Variants in MYH11 observed in about 807,000 individuals in gnomAD.
The protein encoded by MYH11 is myosin-11.
In MYH11, 80 loss-of-function variants were observed where a neutral mutation model predicts 246.6. The ratio of observed to expected loss-of-function variants is 0.32; its 90% confidence interval spans 0.27 to 0.39. MYH11 has a LOEUF of 0.39. Ranked by LOEUF, MYH11 falls within the 10% of genes least tolerant of loss-of-function variation. MYH11 has a pLI of 1.00. For missense variants in MYH11, 2,158 were observed against 2,546.8 expected (o/e 0.85, Z 3.29); for synonymous variants, 1,071 against 1,015.5 (o/e 1.05, Z -1.04).
At chr16:15,828,325 C>A (rs1177223990) in intron 2 of MYH11, among the ~76,000 whole-genome samples, 3 of 152,212 alleles carry the variant, frequency 2.0e-5, no homozygotes, top group African/African-American at 7.2e-5. Context: ...ATGCTCCCTT[C>A]ATTTCACGAG....
chr16:15,726,786 C>T (rs1256874178), intron 28 of MYH11, 62 bp downstream of exon 28: 2 of 1,592,404 alleles, frequency 1.3e-6, no homozygotes, highest in Non-Finnish European at 1.7e-6. Context: ...GGAAGAGGCT[C>T]CTCCCCACAG....
At chr16:15,796,872 T>A (rs1000724352) in intron 4 of MYH11, among the ~76,000 whole-genome samples, 1 of 152,166 alleles carries the variant, frequency 6.6e-6, no homozygotes, top group Admixed American at 6.6e-5. Flanking sequence ...AGTCGGCAGG[T>A]TGTTTTAGCA....
At chr16:15,708,895 C>T (rs762524645) in intron 40 of MYH11, 116 of 1,518,482 alleles carry the variant, frequency 7.6e-5, no homozygotes, top group Middle Eastern at 1.7e-4. Context: ...AGAAGGAGCC[C>T]GGTTAAGTAT....
intron 27 of MYH11, among the ~76,000 whole-genome samples, chr16:15,730,347 C>A (rs1293181231): frequency 7.3e-6 from 1 of 136,896 alleles, no homozygotes; most frequent in Non-Finnish European, 1.5e-5. Flanking sequence ...GCCTGGCCAA[C>A]ATGGCAAAAC....
intron 20 of MYH11, among the ~76,000 whole-genome samples, chr16:15,744,788 C>G (rs1004925855): frequency 6.6e-6 from 1 of 152,268 alleles, no homozygotes; most frequent in Non-Finnish European, 1.5e-5. Flanking sequence ...CAGGCGTGAG[C>G]CGCCGCCCCC....
chr16:15,836,926 C>T (rs566502072), intron 2 of MYH11, among the ~76,000 whole-genome samples: 4 of 150,458 alleles, frequency 2.7e-5, no homozygotes, highest in Middle Eastern at 3.5e-3. Flanking sequence ...GGTTTCATCA[C>T]GTTGGCCAGG....
intron 37 of MYH11, 22 bp from the exon 38 acceptor site, chr16:15,717,370 A>G (rs1233053387): frequency 1.2e-6 from 2 of 1,602,450 alleles, no homozygotes; most frequent in East Asian, 4.5e-5. Flanking sequence ...AGTGAAGGCC[A>G]TGAGGCGGAC....
intron 3 of MYH11, among the ~76,000 whole-genome samples, chr16:15,809,992 A>C (rs1270007413): frequency 6.6e-6 from 1 of 151,912 alleles, no homozygotes; most frequent in African/African-American, 2.4e-5. Context: ...CACTCCCTTA[A>C]GTATGTCCCT....
chr16:15,811,733 T>C (rs1245696178), intron 3 of MYH11, among the ~76,000 whole-genome samples: 1 of 151,956 alleles, frequency 6.6e-6, no homozygotes, highest in African/African-American at 2.4e-5. Context: ...GAGAAAGTCG[T>C]TTGGATCACT....
rs973347203 is a variant in MYH11, at chr16:15,721,644, A to G, written c.4366-10T>C. The G allele has an allele frequency of 6.2e-7, 1 of 1,613,926 alleles. No homozygotes were observed. Among genetic ancestry groups the G allele is most frequent in the African/African-American group, 1.3e-5 (1 of 74,928 alleles). On this transcript the variant is annotated splice_polypyrimidine_tract_variant and intron_variant, in intron 31 of 40. Coordinates refer to ENST00000300036, the MANE Select transcript of MYH11 (RefSeq NM_002474.3). Reference sequence around the variant, plus strand: ...TCTCCTCGGCTAACAACTACAACACAAGACCCAGAGGTGACTTCTAGGCAT... The same window carrying G: ...TCTCCTCGGCTAACAACTACAACACGAGACCCAGAGGTGACTTCTAGGCAT...
intron 9 of MYH11, 84 bp downstream of exon 9, chr16:15,771,485 T>A: frequency 1.4e-5 from 17 of 1,237,200 alleles, no homozygotes; most frequent in Non-Finnish European, 1.7e-5. Context: ...AGAGCAGAAA[T>A]CTGTCCTGAC....
At chr16:15,835,261 A>G (rs1171709638) in intron 2 of MYH11, among the ~76,000 whole-genome samples, 1 of 152,164 alleles carries the variant, frequency 6.6e-6, no homozygotes, top group African/African-American at 2.4e-5. Context: ...GAGATATATT[A>G]CACAAGTCAA....
intron 19 of MYH11, among the ~76,000 whole-genome samples, chr16:15,746,869 CTTGAGACCAGGAAT>C (rs1188761287): frequency 6.6e-6 from 1 of 152,170 alleles, no homozygotes; most frequent in Non-Finnish European, 1.5e-5. Context: ...AGGTGGATCA[CTTGAGACCAGGAAT>C]TTGAGACCAG....
At chr16:15,854,245 C>T (rs1351412890) in intron 1 of MYH11, among the ~76,000 whole-genome samples, 4 of 152,148 alleles carry the variant, frequency 2.6e-5, no homozygotes, top group Non-Finnish European at 4.4e-5. Flanking sequence ...CAAAGATGAG[C>T]CATGCCATAC....
Position 15,735,280 on chromosome 16 carries a change from G to A in MYH11, c.3506+86C>T, listed in dbSNP as rs764341139. ...GGTAAATGCACAGGGGCTGATGCAC[G>A]ATTTGCTTTGGGTTTGTCCCCTCTT... On this transcript the variant is annotated intron_variant, in intron 26 of 40. Transcript: ENST00000300036. 20 of 1,466,574 alleles carry A rather than the reference G, an allele frequency of 1.4e-5. No individual in the cohort carries two copies. In the East Asian group the frequency reaches 1.8e-4, roughly 13 times the overall value. The allele number at this position is 1,466,574 out of a possible 1,614,324, so 90.8% of individuals were successfully genotyped here.
At chr16:15,826,330 G>A (rs959947582) in intron 2 of MYH11, among the ~76,000 whole-genome samples, 1 of 152,078 alleles carries the variant, frequency 6.6e-6, no homozygotes. Context: ...GCTCACAACT[G>A]TAATCCCAGC....
chr16:15,783,411 C>T (rs1191310800), intron 5 of MYH11: 1 of 152,280 alleles, frequency 6.6e-6, no homozygotes, highest in Non-Finnish European at 1.5e-5. Context: ...ATGGCTTCCT[C>T]CTCATTCCTC....
At chr16:15,826,815 G>A (rs1367251018) in intron 2 of MYH11, among the ~76,000 whole-genome samples, 4 of 151,444 alleles carry the variant, frequency 2.6e-5, no homozygotes, top group Non-Finnish European at 4.4e-5. Flanking sequence ...AACACAGTGA[G>A]ACCCTGTTTC....
chr16:15,738,707 A>G lies in MYH11; in HGVS notation c.2998-19T>C, dbSNP rs1322212341. On this transcript the variant is annotated intron_variant, in intron 23 of 40. Transcript: ENST00000300036. The stretch of plus-strand genomic sequence containing the variant: ...TTCGTTCCTTTTTGGGGAAAGAGAA[A>G]GAGATAGCTTTAGGATTTTTCTTTT... 1.9e-6 allele frequency: 3 copies of G among 1,612,860 alleles called. No homozygotes were observed. The highest frequency in any genetic ancestry group is 1.3e-5 in the African/African-American group (1 of 75,032).
Sources: allele counts gnomAD v4.1 joint callset (sites outside exome capture counted in the v4.1 genomes callset), GRCh38; gene constraint gnomAD v4.1.1; transcripts MANE v1.5; gene names NCBI Gene and HGNC (gene_info 2026-07-23, HGNC 2026-07-21).